Variants in UBXN2A observed in about 807,000 individuals in gnomAD.
The protein encoded by UBXN2A is UBX domain protein 2A.
A neutral mutation model predicts 28.4 loss-of-function variants in UBXN2A; 28 were observed. The ratio of observed to expected loss-of-function variants is 0.99; its 90% CI spans 0.73 to 1.35. The LOEUF (loss-of-function observed/expected upper bound fraction) is 1.35, where lower values mean the gene tolerates loss of function less well. UBXN2A is among the 40% of genes most tolerant of loss of function. The pLI is 0.00. For missense variants in UBXN2A, 253 were observed against 297.9 expected (o/e 0.85, Z 1.11); for synonymous variants, 97 against 103.6 (o/e 0.94, Z 0.39).
chr2:23,928,741 C>G (rs187914002), intron 1 of UBXN2A, among the ~76,000 whole-genome samples: 154 of 152,276 alleles, frequency 1.0e-3, no homozygotes, highest in African/African-American at 3.6e-3. Flanking sequence ...ATCTAAGCTC[C>G]CAATCATTCC....
At chr2:23,942,967 C>CTT (rs531627035) in intron 1 of UBXN2A, among the ~76,000 whole-genome samples, 41 of 145,104 alleles carry the variant, frequency 2.8e-4, no homozygotes, top group African/African-American at 5.8e-4. Context: ...CTACAAACAA[C>CTT]TTTTTTTTTT....
At chr2:23,951,179 T>G (rs1706342879) in intron 1 of UBXN2A, among the ~76,000 whole-genome samples, 1 of 151,802 alleles carries the variant, frequency 6.6e-6, no homozygotes, top group Non-Finnish European at 1.5e-5. Flanking sequence ...TTATTAACTG[T>G]AGGAGATTAT....
chr2:23,943,874 G>A (rs1573532884), intron 1 of UBXN2A: 2 of 393,386 alleles, frequency 5.1e-6, no homozygotes, highest in Non-Finnish European at 5.0e-6. Context: ...AGACATGTTG[G>A]AGTGGTCATT....
In UBXN2A at chr2:23,960,216, A is replaced by C. The variant is rs547440524; in HGVS notation, c.41+1861A>C. 1.1e-4 allele frequency among the ~76,000 whole-genome samples: 17 copies of C among 152,166 alleles called. No individual in the cohort carries two copies. In the South Asian group the frequency reaches 3.5e-3, roughly 32 times the overall value. ...GCTTGCAGTGAGTCGAGATCGCGCC[A>C]CTGCACTCCAGCCTGGGCGACAGAG... On this transcript the variant is annotated intron_variant, in intron 2 of 6. Coordinates refer to ENST00000309033, the MANE Select transcript of UBXN2A (RefSeq NM_181713.4).
At chr2:23,969,741 G>A (rs955876161) in intron 2 of UBXN2A, among the ~76,000 whole-genome samples, 2 of 152,066 alleles carry the variant, frequency 1.3e-5, no homozygotes, top group African/African-American at 2.4e-5. Context: ...AATCACTTGA[G>A]TCCAGGAGGT....
At chr2:23,941,353 A>G (rs568500740) in intron 1 of UBXN2A, among the ~76,000 whole-genome samples, 2 of 152,316 alleles carry the variant, frequency 1.3e-5, no homozygotes, top group Non-Finnish European at 2.9e-5. Flanking sequence ...TTAAAAGTTC[A>G]TGTTGTGTCT....
chr2:23,953,802 G>A (rs1706486200), intron 1 of UBXN2A, among the ~76,000 whole-genome samples: 1 of 151,998 alleles, frequency 6.6e-6, no homozygotes, highest in African/African-American at 2.4e-5. Flanking sequence ...GCTCCTTTGT[G>A]CCCTGTATTT....
chr2:23,995,727 G>T (rs1037919641), intron 6 of UBXN2A, among the ~76,000 whole-genome samples: 1 of 151,116 alleles, frequency 6.6e-6, no homozygotes, highest in African/African-American at 2.4e-5. Context: ...AAAAGAAAAT[G>T]CATTTAATAC....
At chr2:23,968,258 C>T (rs1318229198) in intron 2 of UBXN2A, among the ~76,000 whole-genome samples, 1 of 152,082 alleles carries the variant, frequency 6.6e-6, no homozygotes, top group Non-Finnish European at 1.5e-5. Context: ...ATAATACCTA[C>T]CTTTAGGGTC....
intron 6 of UBXN2A, among the ~76,000 whole-genome samples, 184 bp downstream of exon 6, chr2:23,985,015 C>T (rs988757825): frequency 1.3e-5 from 2 of 152,182 alleles, no homozygotes; most frequent in South Asian, 2.1e-4. Flanking sequence ...AATCCTCCCA[C>T]CTCAGCCTCC....
chr2:23,933,799 A>G (rs530490871), intron 1 of UBXN2A, among the ~76,000 whole-genome samples: 1 of 152,214 alleles, frequency 6.6e-6, no homozygotes, highest in Non-Finnish European at 1.5e-5. Context: ...CTGCAAGTCT[A>G]TAGGGAGGCC....
At chr2:23,981,968 G>A (rs773910669) in intron 4 of UBXN2A, among the ~76,000 whole-genome samples, 20 of 152,198 alleles carry the variant, frequency 1.3e-4, no homozygotes, top group Non-Finnish European at 2.2e-4. Context: ...AAGAAGAATG[G>A]TCTTGGGGCA....
chr2:23,955,766 C>A (rs970807702), intron 1 of UBXN2A, among the ~76,000 whole-genome samples: 10 of 152,188 alleles, frequency 6.6e-5, no homozygotes, highest in African/African-American at 2.2e-4. Context: ...TAAAAATATA[C>A]TGTTATAATC....
chr2:23,957,256 C>T (rs1706671743), intron 1 of UBXN2A, among the ~76,000 whole-genome samples: 1 of 151,900 alleles, frequency 6.6e-6, no homozygotes, highest in Non-Finnish European at 1.5e-5. Context: ...ACCTCAGCAC[C>T]TCAACTTCCT....
chr2:23,967,892 C>T (rs994693806), intron 2 of UBXN2A, among the ~76,000 whole-genome samples: 1 of 151,624 alleles, frequency 6.6e-6, no homozygotes, highest in African/African-American at 2.4e-5. Flanking sequence ...AAAGCACTGC[C>T]CTGAGTATCG....
intron 1 of UBXN2A, among the ~76,000 whole-genome samples, chr2:23,949,734 G>A (rs1000235082): frequency 1.3e-5 from 2 of 151,826 alleles, no homozygotes; most frequent in African/African-American, 2.4e-5. Flanking sequence ...AATTAGCCAG[G>A]CATGGTGGCA....
chr2:23,956,460 C>G (rs1558286776), intron 1 of UBXN2A, among the ~76,000 whole-genome samples: 2 of 152,100 alleles, frequency 1.3e-5, no homozygotes. Context: ...TGAAGTGATT[C>G]TCCTGCCTCA....
At chr2:23,983,558 G>A (rs1429185188) in intron 5 of UBXN2A, among the ~76,000 whole-genome samples, 1 of 152,002 alleles carries the variant, frequency 6.6e-6, no homozygotes, top group Non-Finnish European at 1.5e-5. Context: ...AGGCTTTTTT[G>A]TTTTTCTTTT....
At chr2:23,950,205 GACTATT>G (rs1706296636) in intron 1 of UBXN2A, among the ~76,000 whole-genome samples, 1 of 152,176 alleles carries the variant, frequency 6.6e-6, no homozygotes, top group Non-Finnish European at 1.5e-5. Context: ...CTTAGGAGGA[GACTATT>G]ACTAAGGGTC....
Sources: allele counts gnomAD v4.1 joint callset (sites outside exome capture counted in the v4.1 genomes callset), GRCh38; gene constraint gnomAD v4.1.1; transcripts MANE v1.5; gene names NCBI Gene and HGNC (gene_info 2026-07-23, HGNC 2026-07-21).